Variants in URGCP observed in about 807,000 individuals in gnomAD.
URGCP encodes the protein upregulator of cell proliferation, also known as up-regulator of cell proliferation.
Under a neutral mutation model 24.6 loss-of-function variants are expected in URGCP, and 13 were observed. The observed-to-expected ratio is 0.53, with a 90% CI of 0.34 to 0.84. The LOEUF (loss-of-function observed/expected upper bound fraction) is 0.84. Ranked by LOEUF, URGCP falls within the 40% of genes least tolerant of loss-of-function variation. URGCP has a pLI of 0.01. For synonymous variants in URGCP, 444 were observed against 487.2 expected, an observed-to-expected ratio of 0.91 and a Z score of 1.17; for missense variants, 899 against 1,194.3, an observed-to-expected ratio of 0.75 and a Z score of 3.64.
At chr7:43,899,141 GTA>G (rs945401322) in intron 1 of URGCP, among the ~76,000 whole-genome samples, 1 of 144,806 alleles carries the variant, frequency 6.9e-6, no homozygotes, top group Non-Finnish European at 1.5e-5. Context: ...CTCAAAAAGT[GTA>G]TATATATATT....
chr7:43,884,987 G>C (rs988546313), intron 3 of URGCP, among the ~76,000 whole-genome samples: 3 of 152,092 alleles, frequency 2.0e-5, no homozygotes, highest in South Asian at 2.1e-4. Context: ...GGGACCTTTG[G>C]GGGCATGGGT....
At chr7:43,919,605 G>A (rs957848293) in intron 1 of URGCP, 6 of 1,413,918 alleles carry the variant, frequency 4.2e-6, no homozygotes, top group East Asian at 2.3e-5. Flanking sequence ...GCCCAAGAAC[G>A]TGATGGTATC....
rs146708688 is a variant in URGCP, at chr7:43,891,439, AGCTGTAAGTCT to A, written c.15-3634_15-3624del. Among the ~76,000 whole-genome samples the A allele has an allele frequency of 7.0e-3, 1,062 of 152,270 alleles. 10 individuals are homozygous for A. Among genetic ancestry groups the A allele is most frequent in the African/African-American group, 0.025 (1,018 of 41,530 alleles). On this transcript the variant is annotated intron_variant, in intron 1 of 5. Transcript: ENST00000453200. ...AGGAAAAGCAAAGAGAAAGCACATA[AGCTGTAAGTCT>A]GCCTTTCTTCATGGTCCAGGACACA...
At chr7:43,883,460 A>G (rs1165655225) in intron 3 of URGCP, among the ~76,000 whole-genome samples, 2 of 149,030 alleles carry the variant, frequency 1.3e-5, no homozygotes, top group Non-Finnish European at 3.0e-5. Context: ...TCCCGGATTC[A>G]TGCCATTCTC....
At chr7:43,883,649 C>T (rs979300862) in intron 3 of URGCP, among the ~76,000 whole-genome samples, 3 of 152,084 alleles carry the variant, frequency 2.0e-5, no homozygotes, top group African/African-American at 7.2e-5. Context: ...GCGTGAGCCA[C>T]CTTGCCCGGC....
At chr7:43,899,227 TTATATA>T (rs961059896) in intron 1 of URGCP, among the ~76,000 whole-genome samples, 1 of 147,484 alleles carries the variant, frequency 6.8e-6, no homozygotes, top group East Asian at 1.9e-4. Context: ...ATATTTATAT[TTATATA>T]TATAATAAAA....
intron 1 of URGCP, chr7:43,918,906 C>T: frequency 7.1e-7 from 1 of 1,404,684 alleles, no homozygotes; most frequent in Non-Finnish European, 1.0e-6. Context: ...GGACCTGGAG[C>T]CCCAGGTGAT....
chr7:43,882,808 G>C (rs2095855960), intron 3 of URGCP, among the ~76,000 whole-genome samples: 1 of 152,094 alleles, frequency 6.6e-6, no homozygotes, highest in Admixed American at 6.6e-5. Flanking sequence ...TCTAAACTTT[G>C]GGAAAATAAA....
At chr7:43,916,618 TG>T (rs1343463772) in intron 1 of URGCP, among the ~76,000 whole-genome samples, 1 of 151,786 alleles carries the variant, frequency 6.6e-6, no homozygotes, top group Non-Finnish European at 1.5e-5. Flanking sequence ...CTAGTATCCA[TG>T]GCATAAATGA....
intron 3 of URGCP, among the ~76,000 whole-genome samples, chr7:43,883,348 ATATATATATATATATTTT>A (rs2095857184): frequency 5.2e-5 from 5 of 95,826 alleles, no homozygotes; most frequent in African/African-American, 3.2e-4. Context: ...ATATATATAT[ATATATATATATATATTTT>A]TTTTTTTTTT....
intron 5 of URGCP, chr7:43,879,573 T>G: frequency 3.5e-6 from 1 of 283,262 alleles, no homozygotes; most frequent in Non-Finnish European, 6.6e-6. Flanking sequence ...ATATTTCTGG[T>G]CTTTCTAGAA....
At chr7:43,893,319 G>A (rs368857439) in intron 1 of URGCP, among the ~76,000 whole-genome samples, 1 of 152,022 alleles carries the variant, frequency 6.6e-6, no homozygotes, top group Non-Finnish European at 1.5e-5. Context: ...GATAGAGAAT[G>A]ATTCTGTCTC....
At chr7:43,913,369 C>T (rs933958335) in intron 1 of URGCP, among the ~76,000 whole-genome samples, 8 of 151,634 alleles carry the variant, frequency 5.3e-5, no homozygotes, top group African/African-American at 1.2e-4. Context: ...CCACCACTCC[C>T]GGCTATTTTT....
rs573149045 is a variant in URGCP, at chr7:43,919,429, G to A, written c.-116+6703C>T. On this transcript the variant is annotated intron_variant, in intron 1 of 5. Transcript: ENST00000426198. Reference sequence around the variant, plus strand: ...ATCTCGGCCAGCACCATCACCCTGCGCTACCCCAGCTACATGGACAATGAC... The same window carrying A: ...ATCTCGGCCAGCACCATCACCCTGCACTACCCCAGCTACATGGACAATGAC... The A allele has an allele frequency of 1.9e-3, 1,719 of 903,190 alleles. 2 individuals carry two copies. Among genetic ancestry groups the A allele is most frequent in the Non-Finnish European group, 3.0e-3 (1,581 of 532,668 alleles). The allele number at this position is 903,190 out of a possible 1,614,324, so 55.9% of individuals were successfully genotyped here. A position where few individuals can be genotyped will look rare whatever the true frequency, so the allele number is the denominator to read the frequency against.
upstream of URGCP, among the ~76,000 whole-genome samples, chr7:43,908,624 C>T (rs1413950477): frequency 6.6e-6 from 1 of 152,178 alleles, no homozygotes; most frequent in African/African-American, 2.4e-5. Context: ...TGTAACCACA[C>T]CTGAAAAGAC....
intron 1 of URGCP, among the ~76,000 whole-genome samples, chr7:43,912,035 C>T (rs1273966498): frequency 6.6e-6 from 1 of 151,752 alleles, no homozygotes; most frequent in African/African-American, 2.4e-5. Context: ...TATACCAAAA[C>T]TTATGGGATG....
At position 43,887,823 on chromosome 7, in the gene URGCP, A is replaced by G; in HGVS notation, c.15-7T>C. On this transcript the variant is annotated splice_polypyrimidine_tract_variant and splice_region_variant and intron_variant, in intron 1 of 5. Coordinates refer to ENST00000453200, the MANE Select transcript of URGCP (RefSeq NM_001077663.3). Reference sequence around the variant, plus strand: ...CAGTAATTCCACTTCTATCCTAAGGAAATAATTAAGATTTAGTTACAAAGA... The same window carrying G: ...CAGTAATTCCACTTCTATCCTAAGGGAATAATTAAGATTTAGTTACAAAGA... The G allele has an allele frequency of 6.6e-7, 1 of 1,510,996 alleles. No homozygotes were observed. Among genetic ancestry groups the G allele is most frequent in the Non-Finnish European group, 9.0e-7 (1 of 1,112,668 alleles). The allele number at this position is 1,510,996 out of a possible 1,614,324, so 93.6% of individuals were successfully genotyped here.
At chr7:43,912,943 C>T (rs1244139410) in intron 1 of URGCP, among the ~76,000 whole-genome samples, 3 of 151,958 alleles carry the variant, frequency 2.0e-5, no homozygotes, top group African/African-American at 4.8e-5. Context: ...CTCCACCTCC[C>T]GGGTTCAAGA....
chr7:43,878,623 G>A lies in URGCP; in HGVS notation c.840C>T (p.Asn280=), dbSNP rs758246277. The A allele has an allele frequency of 7.4e-6, 12 of 1,613,634 alleles. 1 individual carries two copies. Among genetic ancestry groups the A allele is most frequent in the Admixed American group, 6.7e-5 (4 of 60,018 alleles). ...VSSNSKSQLL[N]AVLSPGHRQW... is the part of the protein sequence containing the mutation. Reference sequence around the variant, plus strand: ...GCCTGTGGCCCGGGCTGAGGACGGCGTTGAGAAGCTGGGACTTGGAGTTGC... The same window carrying A: ...GCCTGTGGCCCGGGCTGAGGACGGCATTGAGAAGCTGGGACTTGGAGTTGC... The change falls in exon 6 of 6, where the codon AAC becomes AAT. Residue 280 remains asparagine (N), a synonymous_variant. Transcript: ENST00000453200. This position sits in a 1 kb window ranked among gnomAD's most constrained non-coding sequence, Gnocchi z 5.6.
Sources: allele counts gnomAD v4.1 joint callset (sites outside exome capture counted in the v4.1 genomes callset), GRCh38; gene constraint gnomAD v4.1.1; non-coding constraint Gnocchi (gnomAD v3.1); transcripts MANE v1.5; gene names NCBI Gene and HGNC (gene_info 2026-07-23, HGNC 2026-07-21).